The following KCNQ2 variants were observed in gnomAD, a reference collection of about 807,000 sequenced individuals.
The protein encoded by KCNQ2 is potassium voltage-gated channel subfamily KQT member 2.
Under a neutral mutation model 84.8 loss-of-function variants are expected in KCNQ2, and 14 were observed. The ratio of observed to expected loss-of-function variants is 0.17; its 90% CI spans 0.11 to 0.26. The LOEUF (loss-of-function observed/expected upper bound fraction) is 0.26. KCNQ2 is among the 10% of genes least tolerant of loss of function. KCNQ2 has a pLI of 1.00. For missense variants in KCNQ2, 788 were observed against 1,254.0 expected (o/e 0.63, Z 5.61); for synonymous variants, 599 against 554.1 (o/e 1.08, Z -1.14).
chr20:63,409,104 C>T (rs533081883), intron 15 of KCNQ2, among the ~76,000 whole-genome samples: 2 of 152,342 alleles, frequency 1.3e-5, no homozygotes, highest in South Asian at 2.1e-4. Flanking sequence ...GTGAGAGCTG[C>T]GGCTCCATGC....
In KCNQ2 at chr20:63,407,350, T is replaced by G; in HGVS notation, c.1913A>C (p.Asp638Ala). The G allele has an allele frequency of 6.3e-7, 1 of 1,597,728 alleles. No homozygotes were observed. Among genetic ancestry groups the G allele is most frequent in the Non-Finnish European group, 8.5e-7 (1 of 1,179,480 alleles). ...KQVLSMEKKL[D>A]FLVNIYMQRM... is the part of the protein sequence containing the mutation. ...CTGCATGTAGATATTCACCAGGAAG[T>G]CCAGCTTCTTCTCCATGGACAAGAC... Residue 638 changes from aspartate to alanine, a missense_variant, in exon 17 of 17, where the codon GAC (aspartate) becomes GCC (alanine). By Grantham distance (126) the Asp-to-Ala change is moderately radical. Transcript: ENST00000359125. This position sits in a 1 kb window ranked among gnomAD's most constrained non-coding sequence, Gnocchi z 7.2.
At chr20:63,434,030 G>A in intron 7 of KCNQ2, 127 bp from the exon 8 acceptor site, 4 of 720,216 alleles carry the variant, frequency 5.6e-6, no homozygotes, top group South Asian at 1.7e-5. Flanking sequence ...CAGGACTCTG[G>A]GCCAGCAGGC....
chr20:63,451,691 C>T (rs899355549), intron 1 of KCNQ2, among the ~76,000 whole-genome samples: 3 of 152,270 alleles, frequency 2.0e-5, no homozygotes, highest in East Asian at 1.9e-4. Context: ...GACACCCCCA[C>T]GGCTTCCCTC....
At chr20:63,444,940 G>A in intron 3 of KCNQ2, 106 bp from the exon 4 acceptor site, 2 of 1,270,678 alleles carry the variant, frequency 1.6e-6, no homozygotes, top group Non-Finnish European at 1.1e-6. Flanking sequence ...GGGGCGGGAA[G>A]GTGTATGCCC....
chr20:63,447,232 G>A, intron 1 of KCNQ2: 1 of 282,038 alleles, frequency 3.5e-6, no homozygotes, highest in Non-Finnish European at 6.9e-6. Flanking sequence ...TACAAACACA[G>A]GAACAAGCAA....
Position 63,404,980 on chromosome 20 carries a change from C to G in KCNQ2, c.*1664G>C, listed in dbSNP as rs2079894423. On this transcript the variant is annotated 3_prime_UTR_variant, in exon 17 of 17. Coordinates refer to ENST00000359125, the MANE Select transcript of KCNQ2 (RefSeq NM_172107.4). The stretch of plus-strand genomic sequence containing the variant: ...GTAGGCAGAGAGGCCAGGGCAGCAG[C>G]TCCCCACAATGGACGCCAGACATGG... The G allele has an allele frequency of 6.6e-6, 1 of 152,344 alleles. No homozygotes were observed. Among genetic ancestry groups the G allele is most frequent in the Admixed American group, 6.5e-5 (1 of 15,290 alleles). The allele number at this position is 152,344 out of a possible 1,614,324, so 9.4% of individuals were successfully genotyped here. A position where few individuals can be genotyped will look rare whatever the true frequency, so the allele number is the denominator to read the frequency against.
chr20:63,452,311 C>A (rs2081637735), intron 1 of KCNQ2, among the ~76,000 whole-genome samples: 1 of 152,278 alleles, frequency 6.6e-6, no homozygotes, highest in Admixed American at 6.5e-5. Context: ...CAGTGCCTGC[C>A]TCTGAGCTGA....
chr20:63,429,488 C>T (rs1227634315), intron 9 of KCNQ2, among the ~76,000 whole-genome samples: 2 of 152,168 alleles, frequency 1.3e-5, no homozygotes, highest in Non-Finnish European at 2.9e-5. Context: ...CGGCTATGGC[C>T]ACGGCCACCC....
rs777940990 is a variant in KCNQ2 at position 63,431,367 on chromosome 20, G to A, written c.1121C>T (p.Ser374Leu). 9.9e-6 allele frequency: 16 copies of A among 1,613,612 alleles called. No homozygotes were observed. Among genetic ancestry groups the A allele is most frequent in the African/African-American group, 5.3e-5 (4 of 74,868 alleles). The change falls in exon 9 of 17, where the codon TCG becomes TTG. Residue 374 changes from serine (S) to leucine (L), a missense_variant and splice_region_variant. This residue lies in a region of KCNQ2 where 202 missense variants were observed against 239.4 expected (regional missense o/e 0.84). Coordinates refer to ENST00000359125, the MANE Select transcript of KCNQ2 (RefSeq NM_172107.4). ...GGAGGCCCCGTAGGTTTGAGTTTGC[G>A]AACTTTCAAGTGTTTCCACACACAC... ...ERTVTVPMYS[S>L]QTQTYGASRL...
chr20:63,414,336 T>C lies in KCNQ2; in HGVS notation c.1526-143A>G, dbSNP rs2080219639. 5 of 642,966 alleles carry C rather than the reference T, an allele frequency of 7.8e-6. No homozygotes were observed. Among genetic ancestry groups the C allele is most frequent in the Middle Eastern group, 4.0e-4 (1 of 2,470 alleles). 39.8% of individuals were successfully genotyped at this position (642,966 alleles called of 1,614,324 possible). On this transcript the variant is annotated intron_variant, in intron 13 of 16. Coordinates refer to ENST00000359125, the MANE Select transcript of KCNQ2 (RefSeq NM_172107.4). The surrounding 1 kb of genome is among the most constrained non-coding windows in gnomAD (Gnocchi z 6.6). Reference sequence around the variant, plus strand: ...TGCCCCTCGGGTGCACCTGCTTTTCTGGAAACCCACCCATCTGCACCCAGC... The same window carrying C: ...TGCCCCTCGGGTGCACCTGCTTTTCCGGAAACCCACCCATCTGCACCCAGC...
At chr20:63,469,608 C>G (rs1258729613) in intron 1 of KCNQ2, among the ~76,000 whole-genome samples, 2 of 152,244 alleles carry the variant, frequency 1.3e-5, no homozygotes, top group African/African-American at 4.8e-5. Context: ...CTCTCCGAAG[C>G]CAGACACTGG....
Position 63,445,443 on chromosome 20 carries a change from G to C in KCNQ2, c.388-79C>G, listed in dbSNP as rs1480708925. 1.9e-6 allele frequency: 3 copies of C among 1,550,768 alleles called. No homozygotes were observed. In the African/African-American group the frequency reaches 4.1e-5, roughly 21 times the overall value. On this transcript the variant is annotated intron_variant, in intron 2 of 16. Transcript: ENST00000359125. ...CCCAGCCTGGACACCCACAGGAGCA[G>C]TTCTGGCCCAGGGACCAAGCCACAG...
At chr20:63,444,946 T>C in intron 3 of KCNQ2, 112 bp from the exon 4 acceptor site, 1 of 1,224,726 alleles carries the variant, frequency 8.2e-7, no homozygotes, top group Middle Eastern at 2.5e-4. Context: ...GGAAGGTGTA[T>C]GCCCAGCGCC....
At chr20:63,442,700 A>ACCACC (rs2081212616) in intron 4 of KCNQ2, among the ~76,000 whole-genome samples, 169 bp from the exon 5 acceptor site, 1 of 110,496 alleles carries the variant, frequency 9.1e-6, no homozygotes, top group African/African-American at 3.6e-5. Context: ...CATCACCACC[A>ACCACC]TCACCATCAC....
intron 1 of KCNQ2, among the ~76,000 whole-genome samples, chr20:63,450,309 G>A (rs1486023628): frequency 6.6e-6 from 1 of 151,160 alleles, no homozygotes; most frequent in African/African-American, 2.4e-5. Flanking sequence ...CGGCCGCAGA[G>A]GCCCAGCAAG....
At position 63,408,653 on chromosome 20, in the gene KCNQ2, G is replaced by C; in HGVS notation, c.1764-117C>G. ...GTCTAGGCTGCAGGCTCAGCCCAGAGCCGACCAGGGGGCAGTGGGTGCCAG... is the reference window on the plus strand; with the variant it reads ...GTCTAGGCTGCAGGCTCAGCCCAGACCCGACCAGGGGGCAGTGGGTGCCAG... On this transcript the variant is annotated intron_variant, in intron 15 of 16. Coordinates refer to ENST00000359125, the MANE Select transcript of KCNQ2 (RefSeq NM_172107.4). The surrounding 1 kb of genome is among the most constrained non-coding windows in gnomAD (Gnocchi z 5.0). The C allele has an allele frequency of 1.4e-6, 2 of 1,473,110 alleles. No individual in the cohort carries two copies. The allele number at this position is 1,473,110 out of a possible 1,614,324, so 91.3% of individuals were successfully genotyped here. A position where few individuals can be genotyped will look rare whatever the true frequency, so the allele number is the denominator to read the frequency against.
At chr20:63,413,649 C>T in intron 14 of KCNQ2, 68 bp from the exon 15 acceptor site, 1 of 1,588,054 alleles carries the variant, frequency 6.3e-7, no homozygotes, top group East Asian at 2.2e-5. Context: ...CCAGGACCTT[C>T]CTAGCACCTC....
chr20:63,431,382 TCC>T lies in KCNQ2; in HGVS notation c.1119-15_1119-14del, dbSNP rs1262151144. The T allele has an allele frequency of 6.2e-7, 1 of 1,613,586 alleles. No individual in the cohort carries two copies. On this transcript the variant is annotated splice_polypyrimidine_tract_variant and intron_variant, in intron 8 of 16. Transcript: ENST00000359125. Reference sequence around the variant, plus strand: ...TTGAGTTTGCGAACTTTCAAGTGTTTCCACACACACAAAGGGAAAAGAACGGA... The same window carrying T: ...TTGAGTTTGCGAACTTTCAAGTGTTTACACACACAAAGGGAAAAGAACGGA...
Position 63,446,881 on chromosome 20 carries a change from C to T in KCNQ2, c.297-44G>A, listed in dbSNP as rs1271067498. The T allele has an allele frequency of 1.3e-6, 2 of 1,543,886 alleles. No homozygotes were observed. Among genetic ancestry groups the T allele is most frequent in the South Asian group, 1.1e-5 (1 of 89,682 alleles). On this transcript the variant is annotated intron_variant, in intron 1 of 16. Transcript: ENST00000359125. The surrounding 1 kb of genome is among the most constrained non-coding windows in gnomAD (Gnocchi z 5.5). ...CGCTCTCAGACAGGCCGCAGCAGGG[C>T]AGCAGCATGGCTGTGTCTCCAGAAC... is the stretch of plus-strand genomic sequence containing the variant.
Sources: gnomAD v4.1 joint callset for allele counts (sites outside exome capture counted in the v4.1 genomes callset) on GRCh38, gnomAD v4.1.1 for gene constraint, gnomAD v4.1.1 regional missense constraint, Gnocchi (gnomAD v3.1) non-coding constraint, MANE v1.5 for transcripts, NCBI Gene and HGNC (gene_info 2026-07-23, HGNC 2026-07-21) for gene names.